Variants in PCDHGB5 observed in about 807,000 individuals in gnomAD.
PCDHGB5 encodes the protein protocadherin gamma subfamily B, 5.
PCDHGB5 carries 48 observed loss-of-function variants against 62.9 expected under a neutral mutation model. The ratio of observed to expected loss-of-function variants is 0.76; its 90% CI spans 0.61 to 0.97. The LOEUF is 0.97. Among genes scored for constraint, PCDHGB5 ranks in the 50% least tolerant of loss-of-function variants. The pLI, the probability that PCDHGB5 is intolerant of heterozygous loss-of-function variation, is 0.00. For missense variants in PCDHGB5, 1,118 were observed against 1,198.6 expected, an observed-to-expected ratio of 0.93 and a Z score of 0.99; for synonymous variants, 474 against 511.2, an observed-to-expected ratio of 0.93 and a Z score of 0.98.
At chr5:141,422,791 G>T (rs2096673253) in intron 1 of PCDHGB5, 2 of 1,614,020 alleles carry the variant, frequency 1.2e-6, no homozygotes, top group South Asian at 1.1e-5. Context: ...ACAATCCTTC[G>T]ACTATGAGCA....
chr5:141,421,782 C>A, intron 1 of PCDHGB5: 1 of 1,613,878 alleles, frequency 6.2e-7, no homozygotes, highest in Non-Finnish European at 8.5e-7. Context: ...AACTGCGGGG[C>A]AGAACGGATG....
intron 1 of PCDHGB5, among the ~76,000 whole-genome samples, chr5:141,439,422 A>C (rs1476209707): frequency 6.6e-6 from 1 of 152,188 alleles, no homozygotes; most frequent in Non-Finnish European, 1.5e-5. Context: ...TGAGGTTATA[A>C]ATTCCCAGGA....
Position 141,491,895 on chromosome 5 carries a change from A to G in PCDHGB5, c.2398-2912A>G. On this transcript the variant is annotated intron_variant, in intron 1 of 3. Transcript: ENST00000617380. This position sits in a 1 kb window ranked among gnomAD's most constrained non-coding sequence, Gnocchi z 6.9. Reference sequence around the variant, plus strand: ...CCGATTAAGGGATGGGGCTCCGAGCACCGGGGGTGGTGGCGACTGTGGGCG... The same window carrying G: ...CCGATTAAGGGATGGGGCTCCGAGCGCCGGGGGTGGTGGCGACTGTGGGCG... 7.0e-7 allele frequency: 1 copy of G among 1,434,306 alleles called. No homozygotes were observed. The highest frequency in any genetic ancestry group is 9.2e-7 in the Non-Finnish European group (1 of 1,084,904). 88.8% of individuals were successfully genotyped at this position (1,434,306 alleles called of 1,614,324 possible). A position where few individuals can be genotyped will look rare whatever the true frequency, so the allele number is the denominator to read the frequency against.
intron 1 of PCDHGB5, chr5:141,408,869 A>G (rs754873472): frequency 1.9e-6 from 3 of 1,613,572 alleles, no homozygotes; most frequent in African/African-American, 2.7e-5. Flanking sequence ...CCCACCAAGA[A>G]GTGCCACCGC....
chr5:141,444,376 G>A (rs977995642), intron 1 of PCDHGB5, among the ~76,000 whole-genome samples: 1 of 151,796 alleles, frequency 6.6e-6, no homozygotes, highest in Non-Finnish European at 1.5e-5. Flanking sequence ...TCTCCATGTT[G>A]GTCAGGCTAG....
intron 1 of PCDHGB5, chr5:141,484,966 G>C: frequency 1.7e-6 from 1 of 583,968 alleles, no homozygotes. Context: ...GAGCCCGGGA[G>C]CCGCTGTCTG....
rs1197249074 is a variant in PCDHGB5 at position 141,438,579 on chromosome 5, CATACATACATACATATATAT to C, written c.2397+38059_2397+38078del. ...AAGAGGCAGCTGTCTGATATACATACATACATACATACATATATATATATATATATATATATATATATATA... is the reference window on the plus strand; with the variant it reads ...AAGAGGCAGCTGTCTGATATACATACATATATATATATATATATATATATA... On this transcript the variant is annotated intron_variant, in intron 1 of 3. Transcript: ENST00000617380. Among the ~76,000 whole-genome samples the C allele has an allele frequency of 5.3e-3, 298 of 55,734 alleles. 1 individual carries two copies. Among genetic ancestry groups the C allele is most frequent in the Admixed American group, 0.022 (77 of 3,542 alleles). The allele number at this position is 55,734 out of a possible 152,430, so 36.6% of individuals were successfully genotyped here.
At position 141,432,686 on chromosome 5, in the gene PCDHGB5, G is replaced by T. The variant is rs2097528577; in HGVS notation, c.2397+32162G>T. ...CAGAGACGCGCTCAAGCAGAGCCTC[G>T]TAGTGGCCGTCCAGGACCACGGCCA... On this transcript the variant is annotated intron_variant, in intron 1 of 3. Transcript: ENST00000617380. The surrounding 1 kb of genome is among the most constrained non-coding windows in gnomAD (Gnocchi z 6.0). 6.2e-7 allele frequency: 1 copy of T among 1,613,922 alleles called. No individual in the cohort carries two copies. Among genetic ancestry groups the T allele is most frequent in the Non-Finnish European group, 8.5e-7 (1 of 1,179,968 alleles).
rs1030000451 is a variant in PCDHGB5, at chr5:141,432,417, T to G, written c.2397+31893T>G. 2.5e-6 allele frequency: 4 copies of G among 1,614,124 alleles called. No individual in the cohort carries two copies. In the African/African-American group the frequency reaches 5.3e-5, roughly 22 times the overall value. On this transcript the variant is annotated intron_variant, in intron 1 of 3. Coordinates refer to ENST00000617380, the MANE Select transcript of PCDHGB5 (RefSeq NM_018925.3). This position sits in a 1 kb window ranked among gnomAD's most constrained non-coding sequence, Gnocchi z 6.0. The stretch of plus-strand genomic sequence containing the variant: ...AACGTGTCGTTGAGCCTGTTCGTGC[T>G]GGACCAGAACGACAATGCGCCCGAG...
chr5:141,462,078 C>T (rs2154567608), intron 1 of PCDHGB5, among the ~76,000 whole-genome samples: 1 of 152,304 alleles, frequency 6.6e-6, no homozygotes, highest in East Asian at 1.9e-4. Flanking sequence ...CCGCCTTGGC[C>T]TCCCAAAATG....
chr5:141,478,118 G>A (rs1266841885), intron 1 of PCDHGB5: 1 of 1,613,930 alleles, frequency 6.2e-7, no homozygotes, highest in East Asian at 2.2e-5. Context: ...GTCAGTAACC[G>A]AGGACTCTCC....
At chr5:141,448,542 T>G (rs2098594694) in intron 1 of PCDHGB5, among the ~76,000 whole-genome samples, 1 of 152,210 alleles carries the variant, frequency 6.6e-6, no homozygotes, top group Non-Finnish European at 1.5e-5. Flanking sequence ...GCATTTCTTA[T>G]GCAAATATGT....
At chr5:141,428,540 C>T (rs1561836755) in intron 1 of PCDHGB5, 6 of 268,146 alleles carry the variant, frequency 2.2e-5, no homozygotes, top group South Asian at 8.6e-5. Context: ...CTCACCATGA[C>T]ACCAGAAACA....
intron 1 of PCDHGB5, chr5:141,442,166 A>G (rs2098306007): frequency 6.4e-6 from 1 of 156,354 alleles, no homozygotes; most frequent in Non-Finnish European, 1.4e-5. Flanking sequence ...TCACTCTGCA[A>G]AGCTACAGCC....
rs2099883574 is a variant in PCDHGB5, at chr5:141,511,027, C to T, written c.2626C>T (p.Leu876=). The change falls in exon 4 of 4, where the codon CTG becomes TTG. Residue 876 remains leucine (L), a synonymous_variant. Transcript: ENST00000617380. ...CGCCCGCTACGGACCCCAGTTCACCCTGCAGCACGTGCCCGACTACCGCCA... is the reference window on the plus strand; with the variant it reads ...CGCCCGCTACGGACCCCAGTTCACCTTGCAGCACGTGCCCGACTACCGCCA... The part of the protein sequence containing the change: ...LSARYGPQFT[L]QHVPDYRQNV... 2 of 1,614,230 alleles carry T rather than the reference C, an allele frequency of 1.2e-6. No individual in the cohort carries two copies. The highest frequency in any genetic ancestry group is 1.7e-6 in the Non-Finnish European group (2 of 1,180,034).
At chr5:141,403,342 C>T (rs766669117) in intron 1 of PCDHGB5, 4 of 1,613,976 alleles carry the variant, frequency 2.5e-6, no homozygotes, top group African/African-American at 1.3e-5. Context: ...ACGACAGCGC[C>T]CCAAAGTTCC....
At chr5:141,408,438 C>G (rs749271632) in intron 1 of PCDHGB5, 8 of 1,613,896 alleles carry the variant, frequency 5.0e-6, no homozygotes, top group Non-Finnish European at 5.9e-6. Flanking sequence ...AGCGTAGACG[C>G]GGAGAGCGGG....
At chr5:141,448,948 A>AAAAC (rs1237948751) in intron 1 of PCDHGB5, among the ~76,000 whole-genome samples, 2 of 152,170 alleles carry the variant, frequency 1.3e-5, no homozygotes, top group African/African-American at 2.4e-5. Flanking sequence ...GCAACTCAAA[A>AAAAC]AAACAAACAA....
chr5:141,409,546 C>T lies in PCDHGB5; in HGVS notation c.2397+9022C>T, dbSNP rs775680397. 19 of 1,613,880 alleles carry T rather than the reference C, an allele frequency of 1.2e-5. No individual in the cohort carries two copies. The South Asian group carries it at 2.0e-4, about 17-fold the overall frequency. ...TGTATGTCGCTGACATCAACGACAA[C>T]GCCCCAGTTTTCGACCAGACGTCCT... On this transcript the variant is annotated intron_variant, in intron 1 of 3. Coordinates refer to ENST00000617380, the MANE Select transcript of PCDHGB5 (RefSeq NM_018925.3).
Sources: allele counts gnomAD v4.1 joint callset (sites outside exome capture counted in the v4.1 genomes callset), GRCh38; gene constraint gnomAD v4.1.1; non-coding constraint Gnocchi (gnomAD v3.1); transcripts MANE v1.5; gene names NCBI Gene and HGNC (gene_info 2026-07-23, HGNC 2026-07-21).